PRMT1: variants seen among roughly 807,000 people sequenced by gnomAD.
The protein encoded by PRMT1 is protein arginine methyltransferase 1, also known as protein arginine N-methyltransferase 1.
Under a neutral mutation model 47.4 loss-of-function variants are expected in PRMT1, and 5 were observed. The observed-to-expected ratio is 0.11, with a 90% CI of 0.06 to 0.22. The LOEUF (loss-of-function observed/expected upper bound fraction) is 0.22, where lower values mean the gene tolerates loss of function less well. Ranked by LOEUF, PRMT1 falls within the 10% of genes least tolerant of loss-of-function variation. PRMT1 has a pLI of 1.00. For missense variants in PRMT1, 249 were observed against 518.4 expected, an observed-to-expected ratio of 0.48 and a Z score of 5.05; for synonymous variants, 227 against 204.6, an observed-to-expected ratio of 1.11 and a Z score of -0.94.
In PRMT1 at chr19:49,685,459, G is replaced by C; in HGVS notation, c.759+422G>C. ...TGGGAGTTCAAGGCTGCAGTGAGCT[G>C]TGATCACATCACTGCACTCCAGCTT... On this transcript the variant is annotated intron_variant, in intron 8 of 10. Transcript: ENST00000454376. This position sits in a 1 kb window ranked among gnomAD's most constrained non-coding sequence, Gnocchi z 4.7. The C allele has an allele frequency of 8.8e-7, 1 of 1,142,362 alleles. No individual in the cohort carries two copies. The highest frequency in any genetic ancestry group is 1.1e-6 in the Non-Finnish European group (1 of 920,796). The allele number at this position is 1,142,362 out of a possible 1,614,324, so 70.8% of individuals were successfully genotyped here.
chr19:49,684,366 C>T lies in PRMT1; in HGVS notation c.555+297C>T, dbSNP rs748631676. Among the ~76,000 whole-genome samples, 54 of 152,058 alleles carry T rather than the reference C, an allele frequency of 3.6e-4. No homozygotes were observed. The highest frequency in any genetic ancestry group is 1.1e-3 in the African/African-American group (46 of 41,402). ...GTGGATGAAGCATACGGAGGGGCAG[C>T]CAGGGCAGGTGTGCCCTTGCTGCGT... On this transcript the variant is annotated intron_variant, in intron 6 of 10. Transcript: ENST00000454376. This position sits in a 1 kb window ranked among gnomAD's most constrained non-coding sequence, Gnocchi z 6.2.
rs893501297 is a variant in PRMT1 at position 49,688,137 on chromosome 19, C to A, written c.1033-25C>A. The A allele has an allele frequency of 6.2e-7, 1 of 1,609,520 alleles. No individual in the cohort carries two copies. The highest frequency in any genetic ancestry group is 8.5e-7 in the Non-Finnish European group (1 of 1,175,930). Reference sequence around the variant, plus strand: ...GCCACCACCTCCTGGTGGGTTCCGCCCTCATGCCCCACCTCTCCCTGCAGC... The same window carrying A: ...GCCACCACCTCCTGGTGGGTTCCGCACTCATGCCCCACCTCTCCCTGCAGC... On this transcript the variant is annotated intron_variant, in intron 10 of 10. Coordinates refer to ENST00000454376, the MANE Select transcript of PRMT1 (RefSeq NM_001536.6). This position sits in a 1 kb window ranked among gnomAD's most constrained non-coding sequence, Gnocchi z 5.3.
At chr19:49,687,696 A>G (rs2082230331) in intron 10 of PRMT1, among the ~76,000 whole-genome samples, 1 of 152,040 alleles carries the variant, frequency 6.6e-6, no homozygotes, top group African/African-American at 2.4e-5. Context: ...TGGGAAACGG[A>G]TACTGGAGAG....
In PRMT1 at chr19:49,685,879, G is replaced by A. The variant is rs1247137693; in HGVS notation, c.760-214G>A. 9 of 1,398,100 alleles carry A rather than the reference G, an allele frequency of 6.4e-6. No individual in the cohort carries two copies. Among genetic ancestry groups the A allele is most frequent in the Non-Finnish European group, 8.3e-6 (9 of 1,078,430 alleles). 86.6% of individuals were successfully genotyped at this position (1,398,100 alleles called of 1,614,324 possible). ...GCCAGGTTTGGGTGTTGGAGAGGAG[G>A]GAGCAAGGAATCTGGGCTCGAACCC... is the stretch of plus-strand genomic sequence containing the variant. On this transcript the variant is annotated intron_variant, in intron 8 of 10. Coordinates refer to ENST00000454376, the MANE Select transcript of PRMT1 (RefSeq NM_001536.6). The surrounding 1 kb of genome is among the most constrained non-coding windows in gnomAD (Gnocchi z 4.7).
intron 1 of PRMT1, among the ~76,000 whole-genome samples, chr19:49,677,753 C>T (rs899012966): frequency 1.3e-5 from 2 of 151,914 alleles, no homozygotes; most frequent in East Asian, 3.9e-4. Context: ...GACCTGGGCA[C>T]ACGCCGTGGG....
chr19:49,680,393 A>G lies in PRMT1; in HGVS notation c.91-94A>G, dbSNP rs1006657777. 2.8e-5 allele frequency: 33 copies of G among 1,188,594 alleles called. No individual in the cohort carries two copies. The highest frequency in any genetic ancestry group is 1.5e-4 in the African/African-American group (10 of 66,154). 73.6% of individuals were successfully genotyped at this position (1,188,594 alleles called of 1,614,324 possible). ...GTCATGGTATGATTTTGGGGGTTCT[A>G]TACTACTCTTCAGGGAAAAGTAGGG... On this transcript the variant is annotated intron_variant, in intron 2 of 10. Coordinates refer to ENST00000454376, the MANE Select transcript of PRMT1 (RefSeq NM_001536.6). This position sits in a 1 kb window ranked among gnomAD's most constrained non-coding sequence, Gnocchi z 4.2.
rs2082240470 is a variant in PRMT1, at chr19:49,688,183, G to A, written c.1054G>A (p.Asp352Asn). 5.0e-6 allele frequency: 8 copies of A among 1,613,642 alleles called. No individual in the cohort carries two copies. The highest frequency in any genetic ancestry group is 3.3e-5 in the South Asian group (3 of 91,082). ...KNNRDLDFTI[D>N]LDFKGQLCEL... The stretch of plus-strand genomic sequence containing the variant: ...GCAGCGGGACCTGGACTTCACCATC[G>A]ACCTGGACTTCAAGGGCCAGCTGTG... Residue 352 changes from aspartate (D) to asparagine (N), a missense_variant, in exon 11 of 11, where the codon GAC becomes AAC. Asp to Asn is a conservative substitution (Grantham distance 23). Transcript: ENST00000454376. This position sits in a 1 kb window ranked among gnomAD's most constrained non-coding sequence, Gnocchi z 5.3.
chr19:49,677,234 G>A (rs370509951), upstream of PRMT1: 34 of 1,406,844 alleles, frequency 2.4e-5, no homozygotes, highest in Non-Finnish European at 3.2e-5. Flanking sequence ...GGAGTGAGGA[G>A]AAAGGGGGGG....
At chr19:49,677,077 T>G (rs2082045270), upstream of PRMT1, 1 of 427,718 alleles carries the variant, frequency 2.3e-6, no homozygotes, top group African/African-American at 2.0e-5. Context: ...GACGCCAGAG[T>G]TGGCAAACCC....
Position 49,680,222 on chromosome 19 carries a change from G to T in PRMT1, c.91-265G>T. The T allele has an allele frequency of 1.3e-6, 2 of 1,596,646 alleles. No individual in the cohort carries two copies. The highest frequency in any genetic ancestry group is 1.7e-6 in the Non-Finnish European group (2 of 1,168,280). On this transcript the variant is annotated intron_variant, in intron 2 of 10. Coordinates refer to ENST00000454376, the MANE Select transcript of PRMT1 (RefSeq NM_001536.6). The surrounding 1 kb of genome is among the most constrained non-coding windows in gnomAD (Gnocchi z 4.2). ...GTGGGCTGAGCTAGAGACGGGGTCA[G>T]AGAGACTGGAGAGATGGTAGGCGTG...
rs372537863 is a variant in PRMT1 at position 49,687,766 on chromosome 19, G to C, written c.1033-396G>C. On this transcript the variant is annotated intron_variant, in intron 10 of 10. Transcript: ENST00000454376. ...TCATCTTCATGTGCTGGAGGGTATG[G>C]GGGGAGGAGAGGAAGTGGAGACAGC... 2.2e-4 allele frequency: 62 copies of C among 282,748 alleles called. 2 individuals are homozygous for C. The highest frequency in any genetic ancestry group is 2.0e-3 in the South Asian group (49 of 23,930). The allele number at this position is 282,748 out of a possible 1,614,324, so 17.5% of individuals were successfully genotyped here.
Position 49,688,360 on chromosome 19 carries a change from G to A in PRMT1, c.*115G>A, listed in dbSNP as rs894660526. The A allele has an allele frequency of 3.0e-5, 29 of 952,092 alleles. No homozygotes were observed. The highest frequency in any genetic ancestry group is 3.8e-5 in the Admixed American group (2 of 52,078). The allele number at this position is 952,092 out of a possible 1,614,324, so 59.0% of individuals were successfully genotyped here. ...AAGGGGGTTTTAGGGGCCTGGGCTGGGGGGATGGGGAGGGCACATCGTGAC... is the reference window on the plus strand; with the variant it reads ...AAGGGGGTTTTAGGGGCCTGGGCTGAGGGGATGGGGAGGGCACATCGTGAC... On this transcript the variant is annotated 3_prime_UTR_variant, in exon 11 of 11. Transcript: ENST00000454376. This position sits in a 1 kb window ranked among gnomAD's most constrained non-coding sequence, Gnocchi z 5.3.
At chr19:49,679,768 A>T (rs1599937944) in intron 1 of PRMT1, 104 bp from the exon 2 acceptor site, 1 of 812,620 alleles carries the variant, frequency 1.2e-6, no homozygotes, top group East Asian at 2.6e-5. Context: ...CAAGAAGGAG[A>T]ATTGCTGGAA....
rs79865986 is a variant in PRMT1, at chr19:49,688,111, C to T, written c.1033-51C>T. On this transcript the variant is annotated intron_variant, in intron 10 of 10. Coordinates refer to ENST00000454376, the MANE Select transcript of PRMT1 (RefSeq NM_001536.6). This position sits in a 1 kb window ranked among gnomAD's most constrained non-coding sequence, Gnocchi z 5.3. ...GCATAGCCTGCCTGCACCCGCCCCC[C>T]GCCACCACCTCCTGGTGGGTTCCGC... 588 of 1,535,920 alleles carry T rather than the reference C, an allele frequency of 3.8e-4. 1 individual carries two copies. The African/African-American group carries it at 6.5e-3, about 17-fold the overall frequency.
At chr19:49,682,712 T>C (rs909468862) in intron 5 of PRMT1, among the ~76,000 whole-genome samples, 11 of 152,244 alleles carry the variant, frequency 7.2e-5, no homozygotes, top group African/African-American at 2.4e-4. Flanking sequence ...TCATGTCGTT[T>C]AACACTTTCC....
chr19:49,683,256 A>G (rs2082147555), intron 5 of PRMT1, among the ~76,000 whole-genome samples: 1 of 151,960 alleles, frequency 6.6e-6, no homozygotes, highest in African/African-American at 2.4e-5. Flanking sequence ...TAATGAACGC[A>G]CGAGTCCATT....
chr19:49,686,303 G>A lies in PRMT1; in HGVS notation c.910+60G>A, dbSNP rs538402885. On this transcript the variant is annotated intron_variant, in intron 9 of 10. Transcript: ENST00000454376. Reference sequence around the variant, plus strand: ...CGAGCCAGGGCGGAGGCGCACCCACGTAGTGGAGGGGGTGACAGAAACGGG... The same window carrying A: ...CGAGCCAGGGCGGAGGCGCACCCACATAGTGGAGGGGGTGACAGAAACGGG... 7.7e-5 allele frequency: 117 copies of A among 1,518,604 alleles called. No homozygotes were observed. The African/African-American group carries it at 1.0e-3, about 13-fold the overall frequency. 94.1% of individuals were successfully genotyped at this position (1,518,604 alleles called of 1,614,324 possible). A position where few individuals can be genotyped will look rare whatever the true frequency, so the allele number is the denominator to read the frequency against.
intron 10 of PRMT1, among the ~76,000 whole-genome samples, chr19:49,687,083 T>C (rs2082219000): frequency 6.6e-6 from 1 of 151,620 alleles, no homozygotes; most frequent in South Asian, 2.1e-4. Context: ...GGCAGACAGG[T>C]GTTGGTGTAG....
At position 49,680,476 on chromosome 19, in the gene PRMT1, C is replaced by A. The variant is rs545106132; in HGVS notation, c.91-11C>A. The stretch of plus-strand genomic sequence containing the variant: ...CAGATCTGACCCATGATCCCATCGG[C>A]CCCCTCCCAGGTGTCCTGTGGCCAG... On this transcript the variant is annotated splice_polypyrimidine_tract_variant and intron_variant, in intron 2 of 10. Coordinates refer to ENST00000454376, the MANE Select transcript of PRMT1 (RefSeq NM_001536.6). This position sits in a 1 kb window ranked among gnomAD's most constrained non-coding sequence, Gnocchi z 4.2. 2.5e-6 allele frequency: 4 copies of A among 1,607,362 alleles called. No individual in the cohort carries two copies. The South Asian group carries it at 3.3e-5, about 13-fold the overall frequency.
Sources: allele counts gnomAD v4.1 joint callset (sites outside exome capture counted in the v4.1 genomes callset), GRCh38; gene constraint gnomAD v4.1.1; non-coding constraint Gnocchi (gnomAD v3.1); transcripts MANE v1.5; gene names NCBI Gene and HGNC (gene_info 2026-07-23, HGNC 2026-07-21).